SCHIP1: variants seen among roughly 807,000 people sequenced by gnomAD.
SCHIP1 encodes the protein schwannomin interacting protein 1, also known as schwannomin-interacting protein 1.
In SCHIP1, 8 loss-of-function variants were observed where a neutral mutation model predicts 29.7. That is an observed-to-expected ratio of 0.27 (90% confidence interval 0.16 to 0.49). The LOEUF is 0.49. SCHIP1 is among the 20% of genes least tolerant of loss of function. The pLI, the probability that SCHIP1 is intolerant of heterozygous loss-of-function variation, is 0.99. For synonymous variants in SCHIP1, 76 were observed against 94.9 expected, an observed-to-expected ratio of 0.80 and a Z score of 1.16; for missense variants, 193 against 294.6, an observed-to-expected ratio of 0.66 and a Z score of 2.52.
chr3:159,549,674 C>T, the SCHIP1 span, among the ~76,000 whole-genome samples: 2 of 152,254 alleles, frequency 1.3e-5, no homozygotes, highest in South Asian at 4.1e-4. Flanking sequence ...AAATTAATTT[C>T]TGTTGTATAA....
chr3:159,687,936 T>C, the SCHIP1 span, among the ~76,000 whole-genome samples: 1 of 152,260 alleles, frequency 6.6e-6, no homozygotes, highest in African/African-American at 2.4e-5. Flanking sequence ...GAACTCATTC[T>C]TTTTTATGGC....
chr3:159,621,032 C>T, the SCHIP1 span, among the ~76,000 whole-genome samples: 1 of 152,034 alleles, frequency 6.6e-6, no homozygotes, highest in African/African-American at 2.4e-5. Flanking sequence ...AAGCAAATGC[C>T]CAGCACCTTT....
intron 2 of SCHIP1, among the ~76,000 whole-genome samples, chr3:159,884,991 G>A (rs2109422754): frequency 6.6e-6 from 1 of 152,276 alleles, no homozygotes; most frequent in South Asian, 2.1e-4. Flanking sequence ...TTAACAATAG[G>A]TGGCAGTGCA....
chr3:159,473,687 A>G, the SCHIP1 span, among the ~76,000 whole-genome samples: 1 of 150,520 alleles, frequency 6.6e-6, no homozygotes, highest in African/African-American at 2.4e-5. Flanking sequence ...AAAAAAAAAA[A>G]AAAAAAAGAA....
At chr3:159,525,993 A>C in the SCHIP1 span, among the ~76,000 whole-genome samples, 1 of 152,216 alleles carries the variant, frequency 6.6e-6, no homozygotes, top group Non-Finnish European at 1.5e-5. Flanking sequence ...ATGTATTTGG[A>C]ATCCTTCACT....
chr3:159,777,781 A>C, the SCHIP1 span, among the ~76,000 whole-genome samples: 1 of 152,194 alleles, frequency 6.6e-6, no homozygotes, highest in African/African-American at 2.4e-5. Context: ...GAATCTAATG[A>C]AACTTCAATA....
chr3:159,320,607 C>CT, the SCHIP1 span, among the ~76,000 whole-genome samples: 6 of 150,266 alleles, frequency 4.0e-5, no homozygotes, highest in South Asian at 2.1e-4. Flanking sequence ...TGGTAAGTTC[C>CT]TTTTTTTTTT....
chr3:159,345,179 A>G, the SCHIP1 span, among the ~76,000 whole-genome samples: 1 of 149,338 alleles, frequency 6.7e-6, no homozygotes, highest in African/African-American at 2.5e-5. Context: ...GTGAGCCAAG[A>G]TCGTGACACT....
At chr3:159,540,133 T>C in the SCHIP1 span, among the ~76,000 whole-genome samples, 2 of 152,178 alleles carry the variant, frequency 1.3e-5, no homozygotes, top group East Asian at 3.9e-4. Context: ...ACTTCCCTTT[T>C]ATATCTCCTT....
intron 2 of SCHIP1, among the ~76,000 whole-genome samples, chr3:159,872,477 A>G (rs1279475879): frequency 1.3e-5 from 2 of 152,192 alleles, no homozygotes; most frequent in East Asian, 3.9e-4. Flanking sequence ...GCAAAGCAGA[A>G]TTTGAAAATC....
At chr3:159,426,183 A>C in the SCHIP1 span, among the ~76,000 whole-genome samples, 5 of 152,202 alleles carry the variant, frequency 3.3e-5, no homozygotes, top group East Asian at 9.6e-4. Flanking sequence ...GGCAAGAAAT[A>C]ACTAAGATCA....
chr3:159,715,796 G>GAACCT, the SCHIP1 span, among the ~76,000 whole-genome samples: 2 of 152,150 alleles, frequency 1.3e-5, no homozygotes, highest in African/African-American at 2.4e-5. Context: ...GAAAGTGATG[G>GAACCT]GGAGAATGGA....
At chr3:159,291,983 T>G in the SCHIP1 span, among the ~76,000 whole-genome samples, 1 of 152,156 alleles carries the variant, frequency 6.6e-6, no homozygotes, top group Non-Finnish European at 1.5e-5. Context: ...GTTTGGCTTC[T>G]GACTCAAACA....
At chr3:159,396,724 C>T in the SCHIP1 span, among the ~76,000 whole-genome samples, 1 of 151,952 alleles carries the variant, frequency 6.6e-6, no homozygotes, top group Non-Finnish European at 1.5e-5. Context: ...TTGAGGGTAA[C>T]CCGACCTTTC....
chr3:159,345,992 G>A, the SCHIP1 span, among the ~76,000 whole-genome samples: 9 of 151,866 alleles, frequency 5.9e-5, no homozygotes, highest in South Asian at 2.1e-4. Flanking sequence ...TCAGGAGTTC[G>A]AGACCAGCCT....
the SCHIP1 span, among the ~76,000 whole-genome samples, chr3:159,351,653 T>C: frequency 6.6e-6 from 1 of 152,190 alleles, no homozygotes; most frequent in South Asian, 2.1e-4. Flanking sequence ...AAGTACAAGA[T>C]CAAATTGCAA....
At chr3:159,603,030 T>C in the SCHIP1 span, among the ~76,000 whole-genome samples, 1 of 152,330 alleles carries the variant, frequency 6.6e-6, no homozygotes, top group African/African-American at 2.4e-5. Context: ...GGGATTTTTT[T>C]ACCTGTGCTT....
At chr3:159,477,302 G>A in the SCHIP1 span, among the ~76,000 whole-genome samples, 2 of 152,074 alleles carry the variant, frequency 1.3e-5, no homozygotes, top group Non-Finnish European at 2.9e-5. Context: ...CCGGATATAT[G>A]ACAAGTAGTA....
the SCHIP1 span, among the ~76,000 whole-genome samples, chr3:159,655,843 T>C: frequency 6.6e-6 from 1 of 152,246 alleles, no homozygotes; most frequent in South Asian, 2.1e-4. Context: ...GAGCTGGGAT[T>C]GTGCCACTGC....
Sources: allele counts gnomAD v4.1 joint callset (sites outside exome capture counted in the v4.1 genomes callset), GRCh38; gene constraint gnomAD v4.1.1; transcripts MANE v1.5; gene names NCBI Gene and HGNC (gene_info 2026-07-23, HGNC 2026-07-21).